Variants in KIAA1549L observed in about 807,000 individuals in gnomAD.
The protein encoded by KIAA1549L is UPF0606 protein KIAA1549L.
In KIAA1549L, 88 loss-of-function variants were observed where a neutral mutation model predicts 160.7. That is an observed-to-expected ratio of 0.55 (90% CI 0.46 to 0.65). The LOEUF is 0.65. Ranked by LOEUF, KIAA1549L falls within the 30% of genes least tolerant of loss-of-function variation. KIAA1549L has a pLI of 0.00. For synonymous variants in KIAA1549L, 950 were observed against 976.7 expected (o/e 0.97, Z 0.51); for missense variants, 2,258 against 2,437.5 (o/e 0.93, Z 1.55).
At chr11:33,437,655 T>A (rs1447081784) in intron 1 of KIAA1549L, among the ~76,000 whole-genome samples, 12 of 152,230 alleles carry the variant, frequency 7.9e-5, no homozygotes, top group Admixed American at 7.2e-4. Context: ...TAGCAGCTGT[T>A]ACAAATTCCC....
At chr11:33,493,712 G>A (rs1852750618) in intron 1 of KIAA1549L, among the ~76,000 whole-genome samples, 1 of 152,164 alleles carries the variant, frequency 6.6e-6, no homozygotes, top group African/African-American at 2.4e-5. Context: ...TCTCCTTTTG[G>A]GGAACTACCT....
intron 1 of KIAA1549L, among the ~76,000 whole-genome samples, chr11:33,483,321 G>T (rs1852452321): frequency 6.6e-6 from 1 of 152,172 alleles, no homozygotes; most frequent in Non-Finnish European, 1.5e-5. Flanking sequence ...TGTTGAGGGG[G>T]AGAAATCTAC....
Position 33,545,210 on chromosome 11 carries a change from G to T in KIAA1549L, c.3217G>T (p.Ala1073Ser). Residue 1073 changes from alanine to serine, a missense_variant, in exon 3 of 21, where the codon GCC (alanine) becomes TCC (serine). By Grantham distance (99) the Ala-to-Ser change is moderately conservative (BLOSUM62 1). Around this residue, in one of 6 missense-constraint regions of KIAA1549L, gnomAD observed 1,359 missense variants for 1,546.6 expected, o/e 0.88. Transcript: ENST00000658780. ...ASTPRPLTVT[A>S]ALTSITASVK... ...CACGCCACGCCCACTGACAGTCACG[G>T]CCGCGCTGACATCCATTACAGCCTC... 6.2e-7 allele frequency: 1 copy of T among 1,613,982 alleles called. No individual in the cohort carries two copies. The highest frequency in any genetic ancestry group is 8.5e-7 in the Non-Finnish European group (1 of 1,179,886).
At chr11:33,503,703 T>A (rs1430370758) in intron 1 of KIAA1549L, among the ~76,000 whole-genome samples, 1 of 152,254 alleles carries the variant, frequency 6.6e-6, no homozygotes, top group African/African-American at 2.4e-5. Flanking sequence ...TAACTTTATT[T>A]CTGAGGGTTC....
chr11:33,557,169 T>C (rs1339086771), intron 6 of KIAA1549L, among the ~76,000 whole-genome samples: 1 of 152,030 alleles, frequency 6.6e-6, no homozygotes, highest in Non-Finnish European at 1.5e-5. Flanking sequence ...TTCTATTTTT[T>C]GTAGAGACAG....
At chr11:33,540,218 A>G (rs998712308) in intron 1 of KIAA1549L, among the ~76,000 whole-genome samples, 5 of 152,200 alleles carry the variant, frequency 3.3e-5, no homozygotes, top group Non-Finnish European at 2.9e-5. Flanking sequence ...CTCAGCCTGT[A>G]GCATCCTTTT....
intron 1 of KIAA1549L, chr11:33,403,270 C>CAG (rs1565121731): frequency 0.014 from 625 of 43,394 alleles, 4 homozygotes; most frequent in Middle Eastern, 0.031. Context: ...GACACAGACA[C>CAG]ACACAGACAC....
intron 14 of KIAA1549L, 58 bp downstream of exon 14, chr11:33,606,880 C>A (rs554426470): frequency 1.4e-6 from 2 of 1,431,198 alleles, no homozygotes; most frequent in Non-Finnish European, 1.9e-6. Flanking sequence ...GAAATTCGGA[C>A]GAAGGAACAA....
In KIAA1549L at chr11:33,609,839, C is replaced by G. The variant is rs369978557; in HGVS notation, c.5152C>G (p.Pro1718Ala). The G allele has an allele frequency of 2.5e-6, 4 of 1,613,790 alleles. No individual in the cohort carries two copies. The highest frequency in any genetic ancestry group is 3.4e-6 in the Non-Finnish European group (4 of 1,179,856). ...KAKRKGYYDF[P>A]AVETSKGLTE... is the part of the protein sequence containing the mutation. ...CAAGAGGAAGGGATATTACGACTTCCCTGCAGTGGAGACGAGCAAGGGTCT... is the reference window on the plus strand; with the variant it reads ...CAAGAGGAAGGGATATTACGACTTCGCTGCAGTGGAGACGAGCAAGGGTCT... Residue 1718 changes from proline to alanine, a missense_variant, in exon 15 of 21, where the codon CCT becomes GCT. Around this residue, in one of 6 missense-constraint regions of KIAA1549L, gnomAD observed 1,359 missense variants for 1,546.6 expected, o/e 0.88. Coordinates refer to ENST00000658780, the MANE Select transcript of KIAA1549L (RefSeq NM_012194.3).
chr11:33,599,987 T>C (rs1850312397), intron 13 of KIAA1549L, among the ~76,000 whole-genome samples: 1 of 152,164 alleles, frequency 6.6e-6, no homozygotes, highest in Non-Finnish European at 1.5e-5. Flanking sequence ...TGTTTTCAAA[T>C]ATCACTTTTA....
chr11:33,488,539 C>G (rs191757693), intron 1 of KIAA1549L, among the ~76,000 whole-genome samples: 1 of 152,114 alleles, frequency 6.6e-6, no homozygotes, highest in Admixed American at 6.6e-5. Context: ...GTTTTAGGAG[C>G]CTTCTCTGTA....
chr11:33,625,758 G>T (rs891608868), intron 16 of KIAA1549L, among the ~76,000 whole-genome samples: 10 of 152,132 alleles, frequency 6.6e-5, no homozygotes, highest in African/African-American at 1.9e-4. Flanking sequence ...AGCTCTTTTA[G>T]TTTAATTAGA....
Position 33,646,085 on chromosome 11 carries a change from G to T in KIAA1549L, c.5760+49G>T, listed in dbSNP as rs778679322. 10 of 1,417,332 alleles carry T rather than the reference G, an allele frequency of 7.1e-6. No homozygotes were observed. The East Asian group carries it at 2.5e-4, about 35-fold the overall frequency. The allele number at this position is 1,417,332 out of a possible 1,614,324, so 87.8% of individuals were successfully genotyped here. ...TGCCATCATCTGGTCAGTCTGCCCA[G>T]TGAGTTCCAACAGGAGACTCAGAGC... is the stretch of plus-strand genomic sequence containing the variant. On this transcript the variant is annotated intron_variant, in intron 17 of 20. Coordinates refer to ENST00000658780, the MANE Select transcript of KIAA1549L (RefSeq NM_012194.3).
intron 10 of KIAA1549L, among the ~76,000 whole-genome samples, chr11:33,576,371 C>T (rs187406240): frequency 2.5e-4 from 38 of 152,320 alleles, no homozygotes; most frequent in Admixed American, 1.8e-3. Flanking sequence ...TCACTCTCTG[C>T]AATCTTGTTT....
chr11:33,447,983 C>T (rs901105143), intron 1 of KIAA1549L, among the ~76,000 whole-genome samples: 3 of 152,234 alleles, frequency 2.0e-5, no homozygotes, highest in South Asian at 2.1e-4. Flanking sequence ...GGCCTTGCCT[C>T]GCCATGTAGT....
chr11:33,597,260 G>A (rs927294175), intron 12 of KIAA1549L, among the ~76,000 whole-genome samples: 8 of 152,162 alleles, frequency 5.3e-5, no homozygotes, highest in East Asian at 1.9e-4. Context: ...AGTGTGCCAC[G>A]GAATGTTCTT....
intron 10 of KIAA1549L, 102 bp downstream of exon 10, chr11:33,574,975 C>A (rs1316528669): frequency 2.0e-6 from 2 of 991,864 alleles, no homozygotes; most frequent in Non-Finnish European, 3.1e-6. Flanking sequence ...CAGAGCTAAA[C>A]ATATTTGTAT....
At chr11:33,451,682 A>G (rs1851724231) in intron 1 of KIAA1549L, among the ~76,000 whole-genome samples, 1 of 151,958 alleles carries the variant, frequency 6.6e-6, no homozygotes, top group African/African-American at 2.4e-5. Context: ...TCCTTTCTTT[A>G]CTCCTAAGCT....
Position 33,669,008 on chromosome 11 carries a change from C to T in KIAA1549L, c.*854C>T, listed in dbSNP as rs1040868708. ...AAGGTGGCCTGAGAATGGAGCTTCT[C>T]TTTTTCTTGGGATAATAGATACATC... On this transcript the variant is annotated 3_prime_UTR_variant, in exon 21 of 21. Coordinates refer to ENST00000658780, the MANE Select transcript of KIAA1549L (RefSeq NM_012194.3). 6.6e-6 allele frequency: 1 copy of T among 152,136 alleles called. No individual in the cohort carries two copies. The highest frequency in any genetic ancestry group is 2.4e-5 in the African/African-American group (1 of 41,440). The allele number at this position is 152,136 out of a possible 1,614,324, so 9.4% of individuals were successfully genotyped here. A position where few individuals can be genotyped will look rare whatever the true frequency, so the allele number is the denominator to read the frequency against.
Sources: gnomAD v4.1 joint callset for allele counts (sites outside exome capture counted in the v4.1 genomes callset) on GRCh38, gnomAD v4.1.1 for gene constraint, gnomAD v4.1.1 regional missense constraint, MANE v1.5 for transcripts, NCBI Gene and HGNC (gene_info 2026-07-23, HGNC 2026-07-21) for gene names.